TTC3: variants seen among roughly 807,000 people sequenced by gnomAD.
TTC3 encodes tetratricopeptide repeat domain 3.
A neutral mutation model predicts 249.6 loss-of-function variants in TTC3; 180 were observed. The observed-to-expected ratio is 0.72, with a 90% confidence interval of 0.64 to 0.82. TTC3 has a LOEUF of 0.82. Ranked by LOEUF, TTC3 falls within the 40% of genes least tolerant of loss-of-function variation. TTC3 has a pLI of 0.00. For missense variants in TTC3, 2,061 were observed against 2,398.4 expected (o/e 0.86, Z 2.94); for synonymous variants, 717 against 805.0 (o/e 0.89, Z 1.85).
intron 10 of TTC3, chr21:37,098,802 G>GT (rs2074197663): frequency 6.6e-6 from 1 of 152,196 alleles, no homozygotes; most frequent in Non-Finnish European, 1.5e-5. Flanking sequence ...CACGTTGCCA[G>GT]TAATTCAGAT....
At chr21:37,089,714 A>G (rs2507674) in intron 5 of TTC3, among the ~76,000 whole-genome samples, 1 of 152,036 alleles carries the variant, frequency 6.6e-6, no homozygotes, top group Non-Finnish European at 1.5e-5. Flanking sequence ...GGGTTTCACC[A>G]TGTTGGCCAG....
intron 7 of TTC3, among the ~76,000 whole-genome samples, chr21:37,092,870 T>C (rs1377353541): frequency 6.6e-6 from 1 of 152,198 alleles, no homozygotes; most frequent in Non-Finnish European, 1.5e-5. Flanking sequence ...TGAGGCCCGA[T>C]AAACTTTAGT....
intron 16 of TTC3, among the ~76,000 whole-genome samples, chr21:37,132,335 CTTT>C (rs35828883): frequency 4.9e-5 from 7 of 144,132 alleles, no homozygotes; most frequent in Admixed American, 6.9e-5. Context: ...TATTTTTTTT[CTTT>C]TTTTTTTTTT....
intron 5 of TTC3, 22 bp from the exon 6 acceptor site, chr21:37,090,211 A>G (rs986303700): frequency 1.3e-5 from 21 of 1,567,032 alleles, no homozygotes; most frequent in South Asian, 9.5e-5. Flanking sequence ...AGGAAAAAAT[A>G]TGTCCTTTTT....
intron 1 of TTC3, among the ~76,000 whole-genome samples, chr21:37,085,264 T>G (rs1006003978): frequency 6.6e-6 from 1 of 152,198 alleles, no homozygotes; most frequent in African/African-American, 2.4e-5. Flanking sequence ...TGTGCTATAG[T>G]TTGGGTGCTC....
rs183404348 is a variant in TTC3 at position 37,113,080 on chromosome 21, A to G, written c.900+4634A>G. On this transcript the variant is annotated intron_variant, in intron 11 of 45. Coordinates refer to ENST00000355666, the Ensembl canonical transcript of TTC3. ...GCTAGCTATGACAAACCCACAGCCAATATCATACTGAATGGACAAAAACTG... is the reference window on the plus strand; with the variant it reads ...GCTAGCTATGACAAACCCACAGCCAGTATCATACTGAATGGACAAAAACTG... 1.8e-4 allele frequency among the ~76,000 whole-genome samples: 28 copies of G among 152,344 alleles called. No individual in the cohort carries two copies. The East Asian group carries it at 5.4e-3, about 29-fold the overall frequency.
chr21:37,147,747 T>TG lies in TTC3; in HGVS notation c.2016+145dup, dbSNP rs971060568. On this transcript the variant is annotated intron_variant, in intron 22 of 45. Coordinates refer to ENST00000355666, the Ensembl canonical transcript of TTC3. ...TTTCCCAGGATTTTTTTTTTTTTTT[T>TG]GAGATAAGTCTCACTCTGTCACCCA... 1.0e-5 allele frequency: 9 copies of TG among 879,486 alleles called. No individual in the cohort carries two copies. The African/African-American group carries it at 1.6e-4, about 16-fold the overall frequency. The allele number at this position is 879,486 out of a possible 1,614,324, so 54.5% of individuals were successfully genotyped here. A position where few individuals can be genotyped will look rare whatever the true frequency, so the allele number is the denominator to read the frequency against.
chr21:37,163,901 T>C, intron 31 of TTC3, 150 bp from the exon 32 acceptor site: 1 of 724,632 alleles, frequency 1.4e-6, no homozygotes, highest in Non-Finnish European at 2.0e-6. Flanking sequence ...TTTTCTACAC[T>C]AAGTTCCCTG....
intron 37 of TTC3, 86 bp from the exon 38 acceptor site, chr21:37,186,963 T>G: frequency 1.3e-6 from 1 of 764,714 alleles, no homozygotes. Context: ...GTGGTGTGGT[T>G]TCAAAGCTCA....
upstream of TTC3, chr21:37,073,256 C>T (rs971851585): frequency 3.4e-5 from 6 of 177,258 alleles, no homozygotes; most frequent in Non-Finnish European, 5.5e-5. Flanking sequence ...ACGCCGCCAC[C>T]CGCTCCCTCC....
chr21:37,080,116 A>G (rs1385086113), intron 1 of TTC3, among the ~76,000 whole-genome samples: 1 of 152,066 alleles, frequency 6.6e-6, no homozygotes, highest in South Asian at 2.1e-4. Context: ...ATTTTCAACC[A>G]TTCCGATTTC....
intron 26 of TTC3, among the ~76,000 whole-genome samples, chr21:37,152,604 T>C (rs549212565): frequency 1.3e-4 from 20 of 152,144 alleles, no homozygotes; most frequent in Admixed American, 1.2e-3. Context: ...GCCAGGATGG[T>C]CTCGATCTCC....
intron 41 of TTC3, 81 bp downstream of exon 41, chr21:37,192,294 C>T: frequency 1.1e-6 from 1 of 918,844 alleles, no homozygotes; most frequent in Admixed American, 3.0e-5. Context: ...GTTGTTGTTT[C>T]CTGGGAGTGA....
At chr21:37,185,819 A>G in intron 37 of TTC3, 45 bp downstream of exon 37, 1 of 1,237,030 alleles carries the variant, frequency 8.1e-7, no homozygotes. Flanking sequence ...TAATACTTTT[A>G]ATGCCAGGAG....
At chr21:37,073,321 T>TGCG in exon 1 of TTC3, 3 of 613,438 alleles carry the variant, frequency 4.9e-6, no homozygotes, top group African/African-American at 2.0e-5. Context: ...CGGCGGCTGC[T>TGCG]GCTGCTGCTG....
chr21:37,144,635 A>G, exon 21 of TTC3: 1 of 1,606,750 alleles, frequency 6.2e-7, no homozygotes, highest in Non-Finnish European at 8.5e-7. Flanking sequence ...TCTCAGCCAC[A>G]AAAAATAAAG....
intron 11 of TTC3, among the ~76,000 whole-genome samples, chr21:37,118,682 C>G (rs1210316934): frequency 6.6e-6 from 1 of 152,118 alleles, no homozygotes; most frequent in Admixed American, 6.5e-5. Flanking sequence ...CAGATTTGTA[C>G]ACATCTTTCT....
chr21:37,111,397 G>C (rs942705063), intron 11 of TTC3, among the ~76,000 whole-genome samples: 1 of 152,158 alleles, frequency 6.6e-6, no homozygotes, highest in Non-Finnish European at 1.5e-5. Flanking sequence ...GGCAGGGGTT[G>C]CAATCCTAGT....
chr21:37,158,983 G>A (rs760557259), intron 28 of TTC3, among the ~76,000 whole-genome samples: 2 of 152,022 alleles, frequency 1.3e-5, no homozygotes, highest in Non-Finnish European at 2.9e-5. Flanking sequence ...ATTGCAGCTA[G>A]TGACTCTTCT....
Sources: allele counts gnomAD v4.1 joint callset (sites outside exome capture counted in the v4.1 genomes callset), GRCh38; gene constraint gnomAD v4.1.1; transcripts MANE v1.5; gene names NCBI Gene and HGNC (gene_info 2026-07-23, HGNC 2026-07-21).